EPHA5: variants seen among roughly 807,000 people sequenced by gnomAD.
EPHA5 encodes ephrin type-A receptor 5.
In EPHA5, 60 loss-of-function variants were observed where a neutral mutation model predicts 105.0. The ratio of observed to expected loss-of-function variants is 0.57; its 90% CI spans 0.46 to 0.71. EPHA5 has a LOEUF of 0.71. Ranked by LOEUF, EPHA5 falls within the 30% of genes least tolerant of loss-of-function variation. The pLI is 0.00. For missense variants in EPHA5, 1,218 were observed against 1,274.7 expected (o/e 0.96, Z 0.68); for synonymous variants, 513 against 449.1 (o/e 1.14, Z -1.80).
chr4:65,385,583 C>T (rs1348463195), intron 8 of EPHA5, among the ~76,000 whole-genome samples: 2 of 151,744 alleles, frequency 1.3e-5, no homozygotes, highest in Non-Finnish European at 2.9e-5. Flanking sequence ...TGATCAGTAG[C>T]ATTAAAATCA....
At chr4:65,666,364 A>G (rs915209396) in intron 1 of EPHA5, among the ~76,000 whole-genome samples, 2 of 152,198 alleles carry the variant, frequency 1.3e-5, no homozygotes, top group African/African-American at 4.8e-5. Flanking sequence ...AGGGCTGTTC[A>G]GCAGTAATTG....
At chr4:65,543,545 T>C (rs1483451779) in intron 3 of EPHA5, among the ~76,000 whole-genome samples, 2 of 151,982 alleles carry the variant, frequency 1.3e-5, no homozygotes, top group Admixed American at 1.3e-4. Context: ...CAAGGGAAAC[T>C]ACAAACCATT....
intron 16 of EPHA5, among the ~76,000 whole-genome samples, chr4:65,328,880 C>T (rs1390034278): frequency 1.3e-5 from 2 of 150,950 alleles, no homozygotes; most frequent in Non-Finnish European, 3.0e-5. Flanking sequence ...AAATCTATTT[C>T]AATTAATCTG....
chr4:65,433,924 A>G (rs1017856517), intron 5 of EPHA5, among the ~76,000 whole-genome samples: 2 of 152,034 alleles, frequency 1.3e-5, no homozygotes, highest in African/African-American at 4.8e-5. Context: ...GGCTCCTGTA[A>G]TCCCAGCTAC....
In EPHA5 at chr4:65,670,352, T is replaced by G. The variant is rs1277025141; in HGVS notation, c.-610A>C. The G allele has an allele frequency of 4.3e-6, 1 of 233,726 alleles. No individual in the cohort carries two copies. The highest frequency in any genetic ancestry group is 8.4e-6 in the Non-Finnish European group (1 of 118,430). 14.5% of individuals were successfully genotyped at this position (233,726 alleles called of 1,614,324 possible). A position where few individuals can be genotyped will look rare whatever the true frequency, so the allele number is the denominator to read the frequency against. ...GCTGAAGAGGGGAGGGACTGACGGC[T>G]GCCGGCCGGTAGGAGCGCGGAGCTG... On this transcript the variant is annotated 5_prime_UTR_variant, in exon 1 of 17. Transcript: ENST00000613740.
At chr4:65,359,963 C>G (rs1717116595) in intron 11 of EPHA5, among the ~76,000 whole-genome samples, 1 of 151,576 alleles carries the variant, frequency 6.6e-6, no homozygotes. Context: ...TTACCAAAGA[C>G]TCCTCTCAAT....
At chr4:65,456,800 T>A (rs550479964) in intron 5 of EPHA5, among the ~76,000 whole-genome samples, 2 of 152,044 alleles carry the variant, frequency 1.3e-5, no homozygotes, top group East Asian at 3.9e-4. Flanking sequence ...CCAGAGGTGA[T>A]TAGTAATACA....
chr4:65,353,343 C>T (rs1237721573), intron 11 of EPHA5, among the ~76,000 whole-genome samples: 2 of 147,198 alleles, frequency 1.4e-5, no homozygotes, highest in Non-Finnish European at 3.0e-5. Context: ...ATTTTAAAAA[C>T]ATTTTTTAAA....
chr4:65,627,521 A>G lies in EPHA5; in HGVS notation c.246+15842T>C, dbSNP rs189481497. On this transcript the variant is annotated intron_variant, in intron 2 of 16. Coordinates refer to ENST00000613740, the MANE Select transcript of EPHA5 (RefSeq NM_001281766.3). ...TAGTGAGTATCAATTCAGCAACTTC[A>G]GTCCTCTAGTTATTCACAACTGTAA... Among the ~76,000 whole-genome samples, 838 of 152,260 alleles carry G rather than the reference A, an allele frequency of 5.5e-3. 7 individuals are homozygous for G. Among genetic ancestry groups the G allele is most frequent in the South Asian group, 0.016 (79 of 4,828 alleles).
At chr4:65,648,019 T>C (rs927496222) in intron 1 of EPHA5, among the ~76,000 whole-genome samples, 3 of 152,202 alleles carry the variant, frequency 2.0e-5, no homozygotes, top group African/African-American at 7.2e-5. Context: ...TTTAATTGTA[T>C]TACTACACAT....
chr4:65,355,990 A>G (rs1248363332), intron 11 of EPHA5, among the ~76,000 whole-genome samples: 1 of 151,456 alleles, frequency 6.6e-6, no homozygotes, highest in African/African-American at 2.4e-5. Context: ...ACAGAAATCT[A>G]TTGAGAGGGT....
At chr4:65,614,757 A>G (rs753233957) in intron 2 of EPHA5, among the ~76,000 whole-genome samples, 21 of 151,846 alleles carry the variant, frequency 1.4e-4, no homozygotes, top group Non-Finnish European at 2.7e-4. Context: ...CTGGGAGTAT[A>G]TATTAGTAGC....
chr4:65,379,061 T>C (rs983905653), intron 8 of EPHA5, among the ~76,000 whole-genome samples: 1 of 151,814 alleles, frequency 6.6e-6, no homozygotes, highest in Non-Finnish European at 1.5e-5. Flanking sequence ...ATACTTCTAG[T>C]TGAAAGTGTG....
intron 5 of EPHA5, among the ~76,000 whole-genome samples, chr4:65,473,563 C>A (rs1279181621): frequency 2.0e-5 from 3 of 152,078 alleles, no homozygotes; most frequent in Admixed American, 2.0e-4. Flanking sequence ...CTGATAAAAC[C>A]ATTGGATCTC....
intron 3 of EPHA5, among the ~76,000 whole-genome samples, chr4:65,499,867 G>A (rs1465938867): frequency 2.0e-5 from 3 of 149,936 alleles, no homozygotes; most frequent in African/African-American, 7.3e-5. Context: ...TCCACGATAA[G>A]AGATTTGAAT....
intron 8 of EPHA5, among the ~76,000 whole-genome samples, chr4:65,373,425 T>C (rs1718686388): frequency 6.6e-6 from 1 of 151,946 alleles, no homozygotes; most frequent in Admixed American, 6.6e-5. Context: ...CCGGCAGATA[T>C]CTTATAAAGA....
intron 1 of EPHA5, among the ~76,000 whole-genome samples, chr4:65,666,127 G>A (rs1472758574): frequency 6.6e-6 from 1 of 151,968 alleles, no homozygotes; most frequent in Non-Finnish European, 1.5e-5. Flanking sequence ...TCTTTCCAAG[G>A]AAAACATTTA....
intron 5 of EPHA5, among the ~76,000 whole-genome samples, chr4:65,435,308 T>C (rs1024636537): frequency 6.6e-6 from 1 of 152,138 alleles, no homozygotes; most frequent in Non-Finnish European, 1.5e-5. Context: ...AGCATTTTCA[T>C]TGATGAGTCC....
chr4:65,442,758 T>C (rs1726145056), intron 5 of EPHA5, among the ~76,000 whole-genome samples: 1 of 152,182 alleles, frequency 6.6e-6, no homozygotes, highest in South Asian at 2.1e-4. Context: ...TCCTTAGAGC[T>C]AGTAGCAAAA....
Sources: allele counts gnomAD v4.1 joint callset (sites outside exome capture counted in the v4.1 genomes callset), GRCh38; gene constraint gnomAD v4.1.1; transcripts MANE v1.5; gene names NCBI Gene and HGNC (gene_info 2026-07-23, HGNC 2026-07-21).